Variants in COL9A3 observed in about 807,000 individuals in gnomAD.
COL9A3 encodes collagen type IX alpha 3 chain, also known as collagen alpha-3(IX) chain.
A neutral mutation model predicts 110.2 loss-of-function variants in COL9A3; 82 were observed. The ratio of observed to expected loss-of-function variants is 0.74; its 90% CI spans 0.62 to 0.89. The LOEUF (loss-of-function observed/expected upper bound fraction) is 0.89. Ranked by LOEUF, COL9A3 falls within the 40% of genes least tolerant of loss-of-function variation. COL9A3 has a pLI of 0.00. For missense variants in COL9A3, 1,066 were observed against 981.3 expected (o/e 1.09, Z -1.15); for synonymous variants, 494 against 403.8 (o/e 1.22, Z -2.68).
At chr20:62,830,312 C>G (rs2734528) in intron 22 of COL9A3, 48 bp from the exon 23 acceptor site, 1 of 1,549,450 alleles carries the variant, frequency 6.5e-7, no homozygotes, top group Non-Finnish European at 8.7e-7. Flanking sequence ...CTCTTGGGGA[C>G]TCCTCGAACC....
rs77124167 is a variant in COL9A3 at position 62,822,210 on chromosome 20, G to A, written c.477+46G>A. 3.0e-4 allele frequency: 340 copies of A among 1,116,060 alleles called. 1 individual carries two copies. In the African/African-American group the frequency reaches 4.4e-3, roughly 14 times the overall value. 69.1% of individuals were successfully genotyped at this position (1,116,060 alleles called of 1,614,324 possible). A position where few individuals can be genotyped will look rare whatever the true frequency, so the allele number is the denominator to read the frequency against. On this transcript the variant is annotated intron_variant, in intron 9 of 31. Transcript: ENST00000649368. ...CTAAGAAGTGCTGGGCATGGACTAG[G>A]ACACTGGGTTGGACCCTCCCCATTC...
At chr20:62,826,068 TG>T in intron 13 of COL9A3, 135 bp from the exon 14 acceptor site, 2 of 1,126,580 alleles carry the variant, frequency 1.8e-6, no homozygotes, top group East Asian at 2.6e-5. Flanking sequence ...CCCCTCCCTC[TG>T]GGGGACCTGA....
intron 7 of COL9A3, 56 bp downstream of exon 7, chr20:62,821,586 C>T: frequency 6.2e-7 from 1 of 1,610,602 alleles, no homozygotes; most frequent in Non-Finnish European, 8.5e-7. Context: ...CGAGAGCCTG[C>T]CAGGCTGGGA....
intron 19 of COL9A3, among the ~76,000 whole-genome samples, 181 bp downstream of exon 19, chr20:62,829,157 T>G (rs890927304): frequency 2.0e-5 from 3 of 152,174 alleles, no homozygotes; most frequent in Non-Finnish European, 4.4e-5. Flanking sequence ...GACGGTTGCC[T>G]GTATGTTTGC....
intron 29 of COL9A3, chr20:62,836,838 A>G: frequency 1.6e-6 from 1 of 641,958 alleles, no homozygotes; most frequent in South Asian, 1.9e-5. Flanking sequence ...CTGGCAGGGC[A>G]GGTCCCTAAA....
chr20:62,817,348 G>A, intron 1 of COL9A3: 1 of 485,716 alleles, frequency 2.1e-6, no homozygotes, highest in South Asian at 4.3e-5. Context: ...CGGCGCCGCC[G>A]CCTCCTCTGG....
intron 25 of COL9A3, 51 bp from the exon 26 acceptor site, chr20:62,832,969 C>G (rs772834803): frequency 2.6e-6 from 4 of 1,523,312 alleles, no homozygotes; most frequent in Non-Finnish European, 3.6e-6. Context: ...GGCATGAAGT[C>G]CCTACTCATG....
intron 14 of COL9A3, 51 bp downstream of exon 14, chr20:62,826,308 T>G (rs1410458587): frequency 6.7e-7 from 1 of 1,497,780 alleles, no homozygotes; most frequent in Non-Finnish European, 9.0e-7. Context: ...GGGGGCCTGG[T>G]TGTCTGCACC....
In COL9A3 at chr20:62,819,288, G is replaced by A. The variant is rs764354782; in HGVS notation, c.250G>A (p.Val84Met). 3.1e-6 allele frequency: 5 copies of A among 1,608,976 alleles called. No homozygotes were observed. The highest frequency in any genetic ancestry group is 1.8e-4 in the Middle Eastern group (1 of 5,602). ...GGCTGGGCTGCCGGGACTGCCGGGT[G>A]TGGATGTGAGTGCGCCTGCCCCTCC... is the stretch of plus-strand genomic sequence containing the variant. ...GEAGLPGLPG[V>M]DGLTGRDGPP... Residue 84 changes from valine to methionine, a missense_variant, in exon 4 of 32, where the codon GTG (valine) becomes ATG (methionine). Coordinates refer to ENST00000649368, the MANE Select transcript of COL9A3 (RefSeq NM_001853.4).
intron 16 of COL9A3, among the ~76,000 whole-genome samples, chr20:62,827,551 C>T (rs1397179941): frequency 1.3e-5 from 2 of 152,216 alleles, no homozygotes; most frequent in African/African-American, 4.8e-5. Context: ...AGGGACCAGG[C>T]TCCAGGGCTT....
chr20:62,821,364 C>A, intron 6 of COL9A3, 143 bp from the exon 7 acceptor site: 3 of 1,346,094 alleles, frequency 2.2e-6, no homozygotes, highest in Non-Finnish European at 2.1e-6. Context: ...TGGATGGGGT[C>A]CTGGTGCCCT....
At chr20:62,824,094 G>T (rs2063530788) in intron 10 of COL9A3, among the ~76,000 whole-genome samples, 1 of 143,262 alleles carries the variant, frequency 7.0e-6, no homozygotes, top group East Asian at 2.1e-4. Flanking sequence ...GGCCTCCTGG[G>T]GCCCCGTCAC....
Position 62,837,138 on chromosome 20 carries a change from TGGTC to T in COL9A3, c.1662_1665del (p.Arg555ProfsTer117). ...GGAAGCCTTTGGCACCCGGGTCCAT[TGGTC>T]GGCCCGGTCCAGCTGGCCCCCCTGG... On this transcript the variant is annotated frameshift_variant, in exon 30 of 32. Coordinates refer to ENST00000649368, the MANE Select transcript of COL9A3 (RefSeq NM_001853.4). LOFTEE classifies it high-confidence loss of function. 1 of 1,613,368 alleles carries T rather than the reference TGGTC, an allele frequency of 6.2e-7. No homozygotes were observed. Among genetic ancestry groups the T allele is most frequent in the Non-Finnish European group, 8.5e-7 (1 of 1,179,954 alleles).
rs758764249 is a variant in COL9A3, at chr20:62,840,674, C to T, written c.1997C>T (p.Ala666Val). 14 of 1,605,022 alleles carry T rather than the reference C, an allele frequency of 8.7e-6. No individual in the cohort carries two copies. The highest frequency in any genetic ancestry group is 1.2e-5 in the Non-Finnish European group (14 of 1,176,220). ...ACACCGGGGATCTGCGACACCTCAG[C>T]CTGCCAAGGAGCCGTGTTAGGAGGG... ...QGTPGICDTS[A>V]CQGAVLGGVG... Residue 666 changes from alanine to valine, a missense_variant, in exon 32 of 32, where the codon GCC (alanine) becomes GTC (valine). Physicochemically the swap from Ala to Val is moderately conservative, Grantham distance 64. Transcript: ENST00000649368.
chr20:62,828,650 TG>T, intron 17 of COL9A3, 113 bp from the exon 18 acceptor site: 2 of 1,201,782 alleles, frequency 1.7e-6, no homozygotes, highest in Non-Finnish European at 1.2e-6. Context: ...TGCCAGGGTG[TG>T]GGGGCAGACA....
intron 26 of COL9A3, among the ~76,000 whole-genome samples, chr20:62,833,888 GT>G (rs71300914): frequency 2.0e-5 from 3 of 149,730 alleles, no homozygotes; most frequent in South Asian, 2.1e-4. Flanking sequence ...GGTTTTGTTT[GT>G]TTTTTTTTGA....
chr20:62,829,789 G>A lies in COL9A3; in HGVS notation c.1131G>A (p.Glu377=), dbSNP rs754277509. 1.7e-5 allele frequency: 27 copies of A among 1,585,210 alleles called. No homozygotes were observed. Among genetic ancestry groups the A allele is most frequent in the Non-Finnish European group, 2.2e-5 (26 of 1,166,220 alleles). ...AGGGAGATGCTGGCATGCCTGGGGA[G>A]CGCGGTGAGGCTGGCCACCGGGGCT... ...GVPGDAGMPG[E]RGEAGHRGSA... Residue 377 remains glutamate, a synonymous_variant, in exon 22 of 32, where the codon GAG becomes GAA. Coordinates refer to ENST00000649368, the MANE Select transcript of COL9A3 (RefSeq NM_001853.4).
At position 62,822,621 on chromosome 20, in the gene COL9A3, A is replaced by G; in HGVS notation, c.508A>G (p.Thr170Ala). ...GHPGVLPEGA[T>A]DLQCPSICPP... ...CCCAGGAGTCCTCCCTGAAGGCGCT[A>G]CTGACCTTCAGGTAGGCACTTGAAG... is the stretch of plus-strand genomic sequence containing the variant. Residue 170 changes from threonine (T) to alanine (A), a missense_variant, in exon 10 of 32, where the codon ACT (threonine) becomes GCT (alanine). Coordinates refer to ENST00000649368, the MANE Select transcript of COL9A3 (RefSeq NM_001853.4). The G allele has an allele frequency of 6.2e-7, 1 of 1,612,372 alleles. No individual in the cohort carries two copies. Among genetic ancestry groups the G allele is most frequent in the Non-Finnish European group, 8.5e-7 (1 of 1,179,942 alleles).
intron 26 of COL9A3, 66 bp downstream of exon 26, chr20:62,833,130 A>G (rs2147222211): frequency 1.5e-6 from 2 of 1,345,678 alleles, no homozygotes; most frequent in Non-Finnish European, 2.1e-6. Flanking sequence ...TGGCTGGGGA[A>G]CAGTCCTGGG....
Sources: allele counts gnomAD v4.1 joint callset (sites outside exome capture counted in the v4.1 genomes callset), GRCh38; gene constraint gnomAD v4.1.1; transcripts MANE v1.5; gene names NCBI Gene and HGNC (gene_info 2026-07-23, HGNC 2026-07-21).